ZDHHC5: variants seen among roughly 807,000 people sequenced by gnomAD.
The protein encoded by ZDHHC5 is palmitoyltransferase ZDHHC5.
A neutral mutation model predicts 70.0 loss-of-function variants in ZDHHC5; 22 were observed. The observed-to-expected ratio is 0.31, with a 90% CI of 0.22 to 0.45. The LOEUF (loss-of-function observed/expected upper bound fraction) is 0.45. Ranked by LOEUF, ZDHHC5 falls within the 20% of genes least tolerant of loss-of-function variation. ZDHHC5 has a pLI of 1.00. For missense variants in ZDHHC5, 746 were observed against 926.9 expected (o/e 0.80, Z 2.53); for synonymous variants, 313 against 347.8 (o/e 0.90, Z 1.11).
intron 2 of ZDHHC5, among the ~76,000 whole-genome samples, chr11:57,676,961 G>T (rs959826093): frequency 1.7e-5 from 2 of 114,696 alleles, no homozygotes; most frequent in African/African-American, 6.9e-5. Context: ...TTACTCTGTC[G>T]CCCAGGCTGG....
intron 3 of ZDHHC5, among the ~76,000 whole-genome samples, chr11:57,684,425 A>C (rs1399626824): frequency 1.3e-5 from 2 of 152,144 alleles, no homozygotes; most frequent in African/African-American, 4.8e-5. Flanking sequence ...CTCTACTAAA[A>C]ATACAAAAAA....
At position 57,684,909 on chromosome 11, in the gene ZDHHC5, G is replaced by T. The variant is rs560040062; in HGVS notation, c.226+2366G>T. 8.5e-5 allele frequency among the ~76,000 whole-genome samples: 13 copies of T among 152,274 alleles called. No individual in the cohort carries two copies. The East Asian group carries it at 1.9e-3, about 23-fold the overall frequency. ...ACATCTTAATCCCAGCACTTTGGGA[G>T]GCCAAGGTGGGCAGATCACCTGAGG... On this transcript the variant is annotated intron_variant, in intron 3 of 11. Transcript: ENST00000287169.
At position 57,699,004 on chromosome 11, in the gene ZDHHC5, C is replaced by T; in HGVS notation, c.1568C>T (p.Pro523Leu). The change falls in exon 11 of 12, where the codon CCA becomes CTA. Residue 523 changes from proline (P) to leucine (L), a missense_variant. Physicochemically the swap from Pro to Leu is moderately conservative, Grantham distance 98. This residue lies in a region of ZDHHC5 where 340 missense variants were observed against 350.1 expected (regional missense o/e 0.97). Transcript: ENST00000287169. The part of the protein sequence containing the change: ...ERHPRLVPTG[P>L]THREPSPVRY... The stretch of plus-strand genomic sequence containing the variant: ...CACCCACGTTTGGTGCCAACTGGCC[C>T]AACACACCGAGAGCCCTCACCAGTC... 6.2e-7 allele frequency: 1 copy of T among 1,609,246 alleles called. No homozygotes were observed. Among genetic ancestry groups the T allele is most frequent in the Non-Finnish European group, 8.5e-7 (1 of 1,179,964 alleles).
rs963988888 is a variant in ZDHHC5 at position 57,672,760 on chromosome 11, C to T, written c.-331C>T. On this transcript the variant is annotated 5_prime_UTR_variant, in exon 2 of 12. Transcript: ENST00000287169. ...CTGTCTGACTGTCCATGTTTTCCAC[C>T]TGCAACCATTTGCATGTGTACAGCC... 5 of 243,152 alleles carry T rather than the reference C, an allele frequency of 2.1e-5. No homozygotes were observed. Among genetic ancestry groups the T allele is most frequent in the African/African-American group, 1.1e-4 (5 of 44,360 alleles). The allele number at this position is 243,152 out of a possible 1,614,324, so 15.1% of individuals were successfully genotyped here. A position where few individuals can be genotyped will look rare whatever the true frequency, so the allele number is the denominator to read the frequency against.
At position 57,700,466 on chromosome 11, in the gene ZDHHC5, G is replaced by C. The variant is rs1946428833; in HGVS notation, c.*435G>C. ...TCAAAGAAATTATATATCTATCCTG[G>C]GATGGGAAAATGAGGGAGGGATACA... On this transcript the variant is annotated 3_prime_UTR_variant, in exon 12 of 12. Transcript: ENST00000287169. 1 of 150,024 alleles carries C rather than the reference G, an allele frequency of 6.7e-6. No homozygotes were observed. The highest frequency in any genetic ancestry group is 1.5e-5 in the Non-Finnish European group (1 of 67,628). 9.3% of individuals were successfully genotyped at this position (150,024 alleles called of 1,614,324 possible).
At chr11:57,692,761 G>T in intron 7 of ZDHHC5, 59 bp downstream of exon 7, 1 of 1,576,608 alleles carries the variant, frequency 6.3e-7, no homozygotes. Flanking sequence ...TCTTCTTTGG[G>T]CTTGTTCTGG....
At position 57,700,205 on chromosome 11, in the gene ZDHHC5, T is replaced by C. The variant is rs1352219254; in HGVS notation, c.*174T>C. The C allele has an allele frequency of 3.7e-6, 3 of 802,958 alleles. No homozygotes were observed. The highest frequency in any genetic ancestry group is 1.8e-5 in the African/African-American group (1 of 55,818). The allele number at this position is 802,958 out of a possible 1,614,324, so 49.7% of individuals were successfully genotyped here. ...GCAGTAGGCTTGGGGAGTCGGAGAG[T>C]TGGGGCCCTGAGACTGGGGTAGCAA... On this transcript the variant is annotated 3_prime_UTR_variant, in exon 12 of 12. Transcript: ENST00000287169.
Position 57,680,202 on chromosome 11 carries a change from T to C in ZDHHC5, c.105-2220T>C, listed in dbSNP as rs144409090. On this transcript the variant is annotated intron_variant, in intron 2 of 11. Coordinates refer to ENST00000287169, the MANE Select transcript of ZDHHC5 (RefSeq NM_015457.3). ...AGAGTTGAGTCCAGCCTGGGCAACA[T>C]GGTGAAACCCTGTCTCTACAAAAAA... 7.1e-3 allele frequency among the ~76,000 whole-genome samples: 1,076 copies of C among 152,036 alleles called. 4 individuals are homozygous for C. The highest frequency in any genetic ancestry group is 0.011 in the Non-Finnish European group (757 of 67,966).
intron 10 of ZDHHC5, 55 bp from the exon 11 acceptor site, chr11:57,698,504 G>A: frequency 6.5e-7 from 1 of 1,534,740 alleles, no homozygotes; most frequent in South Asian, 1.3e-5. Flanking sequence ...GAGCTCTGGG[G>A]TCTAGCTTCT....
At chr11:57,681,356 G>T (rs1004098592) in intron 2 of ZDHHC5, 2 of 152,160 alleles carry the variant, frequency 1.3e-5, no homozygotes, top group Non-Finnish European at 2.9e-5. Flanking sequence ...GCTTTGACTG[G>T]TTCAGATAAA....
In ZDHHC5 at chr11:57,692,603, C is replaced by T; in HGVS notation, c.661-8C>T. ...TCTTCTAACCTGGTATTTTTTTTCT[C>T]CCTCTAGGTTACGGGTAAATTCCGG... On this transcript the variant is annotated splice_region_variant and splice_polypyrimidine_tract_variant and intron_variant, in intron 6 of 11. Coordinates refer to ENST00000287169, the MANE Select transcript of ZDHHC5 (RefSeq NM_015457.3). 1 of 1,611,166 alleles carries T rather than the reference C, an allele frequency of 6.2e-7. No homozygotes were observed. Among genetic ancestry groups the T allele is most frequent in the African/African-American group, 1.3e-5 (1 of 74,756 alleles).
intron 6 of ZDHHC5, 112 bp from the exon 7 acceptor site, chr11:57,692,499 A>G: frequency 1.2e-6 from 1 of 839,546 alleles, no homozygotes; most frequent in South Asian, 1.7e-5. Context: ...TGTTTTACTC[A>G]TTTGCATAGC....
intron 9 of ZDHHC5, 92 bp from the exon 10 acceptor site, chr11:57,696,669 T>A: frequency 8.8e-7 from 1 of 1,132,794 alleles, no homozygotes; most frequent in Non-Finnish European, 1.3e-6. Flanking sequence ...ATCGTGCCAC[T>A]GCACTCTAGC....
chr11:57,698,946 G>A lies in ZDHHC5; in HGVS notation c.1510G>A (p.Ala504Thr). The A allele has an allele frequency of 6.2e-7, 1 of 1,613,632 alleles. No individual in the cohort carries two copies. The highest frequency in any genetic ancestry group is 1.3e-5 in the African/African-American group (1 of 75,046). Residue 504 changes from alanine (A) to threonine (T), a missense_variant, in exon 11 of 12, where the codon GCC becomes ACC. Ala to Thr is a moderately conservative substitution (Grantham distance 58, BLOSUM62 0). Around this residue, in one of 6 missense-constraint regions of ZDHHC5, gnomAD observed 340 missense variants for 350.1 expected, o/e 0.97. Coordinates refer to ENST00000287169, the MANE Select transcript of ZDHHC5 (RefSeq NM_015457.3). ...PLGYTSPFLS[A>T]RLAQQREAER... is the part of the protein sequence containing the mutation. ...AGGCTATACCTCTCCCTTCCTGTCA[G>A]CCAGGCTGGCCCAGCAACGGGAAGC...
At chr11:57,690,461 C>G (rs764705819) in intron 6 of ZDHHC5, 24 bp downstream of exon 6, 1 of 1,612,074 alleles carries the variant, frequency 6.2e-7, no homozygotes, top group Non-Finnish European at 8.5e-7. Flanking sequence ...TGACGAGAGA[C>G]CCCTGAAGAG....
intron 2 of ZDHHC5, among the ~76,000 whole-genome samples, chr11:57,679,754 G>A (rs922320493): frequency 6.6e-6 from 1 of 152,036 alleles, no homozygotes; most frequent in Non-Finnish European, 1.5e-5. Flanking sequence ...CCATAGCAAC[G>A]GAAAGCCTCT....
chr11:57,685,177 T>A (rs1239599673), intron 3 of ZDHHC5, among the ~76,000 whole-genome samples: 3 of 152,044 alleles, frequency 2.0e-5, no homozygotes, highest in African/African-American at 4.8e-5. Flanking sequence ...TTCATTGTGC[T>A]CCCAAAGCCT....
chr11:57,684,335 G>C (rs1018671546), intron 3 of ZDHHC5, among the ~76,000 whole-genome samples: 4 of 152,198 alleles, frequency 2.6e-5, no homozygotes, highest in African/African-American at 9.7e-5. Flanking sequence ...TGTAATCCCA[G>C]CACTTTGGGA....
intron 2 of ZDHHC5, 114 bp from the exon 3 acceptor site, chr11:57,682,308 A>C: frequency 7.2e-7 from 1 of 1,394,434 alleles, no homozygotes; most frequent in Non-Finnish European, 9.5e-7. Flanking sequence ...GGCAAAGGTA[A>C]ACCACACAAG....
Sources: allele counts gnomAD v4.1 joint callset (sites outside exome capture counted in the v4.1 genomes callset), GRCh38; gene constraint gnomAD v4.1.1; regional missense constraint gnomAD v4.1.1; transcripts MANE v1.5; gene names NCBI Gene and HGNC (gene_info 2026-07-23, HGNC 2026-07-21).